PRKAR1A: variants seen among roughly 807,000 people sequenced by gnomAD.
PRKAR1A encodes cAMP-dependent protein kinase type I-alpha regulatory subunit.
In PRKAR1A, 3 loss-of-function variants were observed where a neutral mutation model predicts 52.0. That is an observed-to-expected ratio of 0.06 (90% confidence interval 0.03 to 0.15). The LOEUF is 0.15. Ranked by LOEUF, PRKAR1A falls within the 10% of genes least tolerant of loss-of-function variation. The pLI is 1.00. For synonymous variants in PRKAR1A, 188 were observed against 168.4 expected (o/e 1.12, Z -0.90); for missense variants, 240 against 477.4 (o/e 0.50, Z 4.63).
At chr17:68,465,625 ATTTTTTT>A in the PRKAR1A span, among the ~76,000 whole-genome samples, 47 of 67,196 alleles carry the variant, frequency 7.0e-4, no homozygotes, top group Middle Eastern at 0.036. Flanking sequence ...ACGCCCAGCA[ATTTTTTT>A]TTTTTTTTTT....
the PRKAR1A span, among the ~76,000 whole-genome samples, chr17:68,476,525 G>T: frequency 6.6e-6 from 1 of 152,018 alleles, no homozygotes; most frequent in South Asian, 2.1e-4. Flanking sequence ...CTTTCCTCCC[G>T]GGGCAACCAC....
chr17:68,433,973 G>T, the PRKAR1A span, among the ~76,000 whole-genome samples: 1 of 151,826 alleles, frequency 6.6e-6, no homozygotes, highest in African/African-American at 2.4e-5. Context: ...AGTAGAGACG[G>T]TGTTTCACCA....
At chr17:68,490,706 A>G in the PRKAR1A span, among the ~76,000 whole-genome samples, 1 of 152,100 alleles carries the variant, frequency 6.6e-6, no homozygotes, top group Admixed American at 6.5e-5. Context: ...GAGAGAATAG[A>G]GGAGAAAAAG....
chr17:68,539,049 A>G (rs890004629), intron 11 of PRKAR1A, among the ~76,000 whole-genome samples: 3 of 152,244 alleles, frequency 2.0e-5, no homozygotes, highest in African/African-American at 7.2e-5. Context: ...CCTTTACAAC[A>G]CAGTGGTGGA....
chr17:68,519,631 TG>T (rs988949680), intron 2 of PRKAR1A, among the ~76,000 whole-genome samples: 1 of 152,214 alleles, frequency 6.6e-6, no homozygotes, highest in Non-Finnish European at 1.5e-5. Context: ...TCGTCATTAC[TG>T]GGGGGTTGTG....
At chr17:68,457,565 T>TCCCCACCCCGCCCCTACCCCGC in the PRKAR1A span, 1 of 94,572 alleles carries the variant, frequency 1.1e-5, no homozygotes, top group Non-Finnish European at 1.7e-5. Flanking sequence ...CCCCGCCCCG[T>TCCCCACCCCGCCCCTACCCCGC]CCCCACCCCG....
chr17:68,541,885 C>T lies in PRKAR1A; in HGVS notation c.974-9199C>T, dbSNP rs1438597200. 2.2e-6 allele frequency: 3 copies of T among 1,394,858 alleles called. No individual in the cohort carries two copies. In the Admixed American group the frequency reaches 6.1e-5, roughly 29 times the overall value. 86.4% of individuals were successfully genotyped at this position (1,394,858 alleles called of 1,614,324 possible). ...GAAATGGGGCAAAGGAGTATTGAGG[C>T]AGCTTTTCAGATTCAAAAGCCAAGC... On this transcript the variant is annotated intron_variant, in intron 11 of 11. Transcript: ENST00000585981.
At chr17:68,424,641 C>T in the PRKAR1A span, 57 of 393,868 alleles carry the variant, frequency 1.4e-4, 1 homozygote, top group Middle Eastern at 4.8e-4. Context: ...TTTGGGAGGC[C>T]GAGACGAGTG....
At chr17:68,528,086 T>C (rs2085848051) in intron 8 of PRKAR1A, among the ~76,000 whole-genome samples, 186 bp downstream of exon 8, 1 of 152,238 alleles carries the variant, frequency 6.6e-6, no homozygotes, top group African/African-American at 2.4e-5. Flanking sequence ...CCGTCTCTCT[T>C]GTTCCATCAT....
chr17:68,468,568 A>G, the PRKAR1A span, among the ~76,000 whole-genome samples: 6 of 152,302 alleles, frequency 3.9e-5, no homozygotes, highest in African/African-American at 1.4e-4. Flanking sequence ...GCAAATGCTC[A>G]TTGGCTAAAG....
At chr17:68,424,351 G>C in the PRKAR1A span, 2 of 493,464 alleles carry the variant, frequency 4.1e-6, no homozygotes, top group Non-Finnish European at 8.4e-6. Flanking sequence ...CTGCATGCAG[G>C]GCCCCACCGC....
the PRKAR1A span, among the ~76,000 whole-genome samples, chr17:68,486,382 CTTTCTCTTTCTTTCTT>C: frequency 5.4e-4 from 56 of 103,340 alleles, no homozygotes; most frequent in African/African-American, 1.1e-3. Context: ...TTCTTTCTTT[CTTTCTCTTTCTTTCTT>C]TCTTTCTTTC....
chr17:68,465,608 C>T, the PRKAR1A span, among the ~76,000 whole-genome samples: 7 of 147,384 alleles, frequency 4.7e-5, no homozygotes, highest in Admixed American at 2.7e-4. Context: ...ACGTGCGGTG[C>T]GCGACCACGC....
chr17:68,500,511 AT>A, the PRKAR1A span, among the ~76,000 whole-genome samples: 58,262 of 140,256 alleles, frequency 0.42, 11,617 homozygotes, highest in East Asian at 0.64. Flanking sequence ...AGTCTCGAGT[AT>A]TTTTTTTTTT....
chr17:68,443,402 C>T, the PRKAR1A span, among the ~76,000 whole-genome samples: 12,615 of 152,218 alleles, frequency 0.083, 699 homozygotes, highest in South Asian at 0.21. Context: ...TGTGAGCCAC[C>T]GCACCCGGCT....
intron 1 of PRKAR1A, 152 bp downstream of exon 1, chr17:68,512,700 T>G (rs745467674): frequency 5.3e-5 from 8 of 149,988 alleles, no homozygotes; most frequent in Non-Finnish European, 8.9e-5. Flanking sequence ...GGCGGGCGCC[T>G]CCCCGCAGGC....
the PRKAR1A span, among the ~76,000 whole-genome samples, chr17:68,440,305 T>G: frequency 6.6e-6 from 1 of 152,210 alleles, no homozygotes; most frequent in African/African-American, 2.4e-5. Context: ...GAATGTATCT[T>G]CGTATCTTGG....
At chr17:68,501,296 C>T in the PRKAR1A span, among the ~76,000 whole-genome samples, 1 of 152,202 alleles carries the variant, frequency 6.6e-6, no homozygotes, top group South Asian at 2.1e-4. Context: ...TTCTGGGCTC[C>T]CTTCCTCCCT....
the PRKAR1A span, among the ~76,000 whole-genome samples, chr17:68,424,709 C>G: frequency 6.6e-6 from 1 of 152,156 alleles, no homozygotes; most frequent in African/African-American, 2.4e-5. Context: ...AACCCCGTCT[C>G]TACTAAAAAT....
Sources: allele counts gnomAD v4.1 joint callset (sites outside exome capture counted in the v4.1 genomes callset), GRCh38; gene constraint gnomAD v4.1.1; transcripts MANE v1.5; gene names NCBI Gene and HGNC (gene_info 2026-07-23, HGNC 2026-07-21).